The following GRM7 variants were observed in gnomAD, a reference collection of about 807,000 sequenced individuals.
GRM7 encodes the protein metabotropic glutamate receptor 7.
A neutral mutation model predicts 84.5 loss-of-function variants in GRM7; 35 were observed. That is an observed-to-expected ratio of 0.41 (90% CI 0.32 to 0.55). The LOEUF (loss-of-function observed/expected upper bound fraction) is 0.55, where lower values mean the gene tolerates loss of function less well. Ranked by LOEUF, GRM7 falls within the 20% of genes least tolerant of loss-of-function variation. The pLI is 0.19. For missense variants in GRM7, 1,003 were observed against 1,194.6 expected, an observed-to-expected ratio of 0.84 and a Z score of 2.36; for synonymous variants, 487 against 455.1, an observed-to-expected ratio of 1.07 and a Z score of -0.89.
chr3:7,205,701 G>A (rs562364198), intron 2 of GRM7, among the ~76,000 whole-genome samples: 11 of 152,298 alleles, frequency 7.2e-5, no homozygotes, highest in Admixed American at 2.6e-4. Flanking sequence ...GATTCACCAC[G>A]GGGAAGCAGG....
chr3:7,306,694 G>T (rs1244495203), intron 4 of GRM7, 42 bp downstream of exon 4: 1 of 1,512,398 alleles, frequency 6.6e-7, no homozygotes, highest in Non-Finnish European at 8.9e-7. Flanking sequence ...GAGAAGTTCT[G>T]GTGCCATGCT....
At position 6,904,904 on chromosome 3, in the gene GRM7, G is replaced by A. The variant is rs1413740185; in HGVS notation, c.519+42997G>A. Among the ~76,000 whole-genome samples, 4 of 152,030 alleles carry A rather than the reference G, an allele frequency of 2.6e-5. No individual in the cohort carries two copies. In the South Asian group the frequency reaches 8.3e-4, roughly 32 times the overall value. ...CTTGGATAATTTGTGTATTTTTTCT[G>A]TAGAGACTGGGTCTTGCTATGTTGC... is the stretch of plus-strand genomic sequence containing the variant. On this transcript the variant is annotated intron_variant, in intron 1 of 9. Coordinates refer to ENST00000357716, the MANE Select transcript of GRM7 (RefSeq NM_000844.4).
intron 1 of GRM7, among the ~76,000 whole-genome samples, chr3:6,923,870 G>C (rs1424328875): frequency 4.6e-5 from 7 of 152,136 alleles, no homozygotes; most frequent in African/African-American, 1.7e-4. Flanking sequence ...TTGAGTGAAG[G>C]ATGTGATTTC....
chr3:7,461,156 A>T (rs1698230365), intron 6 of GRM7, among the ~76,000 whole-genome samples: 1 of 152,188 alleles, frequency 6.6e-6, no homozygotes, highest in Non-Finnish European at 1.5e-5. Flanking sequence ...CTCTTTTAAC[A>T]TTAATTTGTT....
intron 1 of GRM7, among the ~76,000 whole-genome samples, chr3:6,921,678 A>T (rs368722771): frequency 1.8e-4 from 28 of 152,116 alleles, no homozygotes; most frequent in Admixed American, 1.2e-3. Context: ...TTATTGAGTA[A>T]TAGACCTCCG....
At chr3:7,471,351 C>T (rs761852308) in intron 7 of GRM7, among the ~76,000 whole-genome samples, 20 of 152,088 alleles carry the variant, frequency 1.3e-4, no homozygotes, top group Non-Finnish European at 2.5e-4. Flanking sequence ...CTTTGTTTCC[C>T]TTTTCTTAGG....
chr3:7,110,641 G>T (rs1169158473), intron 1 of GRM7, among the ~76,000 whole-genome samples: 2 of 145,910 alleles, frequency 1.4e-5, no homozygotes, highest in Non-Finnish European at 1.5e-5. Flanking sequence ...ATAATTTTTT[G>T]CTAGAGGTGC....
At chr3:7,009,984 ACT>A (rs1287175381) in intron 1 of GRM7, among the ~76,000 whole-genome samples, 1 of 152,198 alleles carries the variant, frequency 6.6e-6, no homozygotes, top group African/African-American at 2.4e-5. Flanking sequence ...TTTTCCCTAA[ACT>A]TGGCATTAAT....
chr3:7,533,594 T>C (rs370042482), intron 7 of GRM7, among the ~76,000 whole-genome samples: 47 of 152,250 alleles, frequency 3.1e-4, no homozygotes, highest in African/African-American at 1.0e-3. Flanking sequence ...TCCAATAAGC[T>C]GTGTAGCTTC....
In GRM7 at chr3:7,081,035, TAA is replaced by T. The variant is rs200505797; in HGVS notation, c.520-65416_520-65415del. On this transcript the variant is annotated intron_variant, in intron 1 of 9. Coordinates refer to ENST00000357716, the MANE Select transcript of GRM7 (RefSeq NM_000844.4). ...TACCTGTGTTTAAATAACGAAGATA[TAA>T]GTTACTTTGTGTAGCTTCTCCCCCC... is the stretch of plus-strand genomic sequence containing the variant. 2.5e-3 allele frequency among the ~76,000 whole-genome samples: 373 copies of T among 152,208 alleles called. 3 individuals are homozygous for T. Among genetic ancestry groups the T allele is most frequent in the East Asian group, 9.3e-3 (48 of 5,178 alleles).
intron 4 of GRM7, among the ~76,000 whole-genome samples, chr3:7,344,731 C>G (rs1472346079): frequency 6.6e-6 from 1 of 152,014 alleles, no homozygotes; most frequent in Non-Finnish European, 1.5e-5. Context: ...GTTGATTTCA[C>G]TGAAGGGAGT....
chr3:7,338,717 A>C (rs1435899026), intron 4 of GRM7, among the ~76,000 whole-genome samples: 1 of 151,952 alleles, frequency 6.6e-6, no homozygotes, highest in Non-Finnish European at 1.5e-5. Context: ...AAACTGGAAA[A>C]TTCTCTTCAT....
intron 2 of GRM7, among the ~76,000 whole-genome samples, chr3:7,215,191 AG>A (rs1696560443): frequency 6.6e-6 from 1 of 152,200 alleles, no homozygotes; most frequent in Non-Finnish European, 1.5e-5. Context: ...ATATGGGGCA[AG>A]ACCTAGTAAT....
At chr3:7,028,554 T>TA (rs1005923183) in intron 1 of GRM7, among the ~76,000 whole-genome samples, 9 of 152,118 alleles carry the variant, frequency 5.9e-5, no homozygotes, top group Non-Finnish European at 1.0e-4. Context: ...ACTACCATTT[T>TA]AAAAAAATAA....
chr3:7,267,250 C>T (rs996778917), intron 2 of GRM7, among the ~76,000 whole-genome samples: 8 of 152,100 alleles, frequency 5.3e-5, no homozygotes, highest in African/African-American at 1.9e-4. Flanking sequence ...TTGATTAGGC[C>T]CAACTCACTG....
chr3:7,580,137 G>A (rs971332304), intron 8 of GRM7, among the ~76,000 whole-genome samples: 5 of 152,168 alleles, frequency 3.3e-5, no homozygotes, highest in African/African-American at 2.4e-5. Flanking sequence ...ACAATTCTAC[G>A]GTGTTGATTC....
chr3:7,398,388 A>C (rs1329546517), intron 4 of GRM7, among the ~76,000 whole-genome samples: 1 of 152,156 alleles, frequency 6.6e-6, no homozygotes, highest in Admixed American at 6.6e-5. Context: ...TATCATCAAG[A>C]GGGGAACCAG....
At chr3:7,037,010 CATCT>C (rs541989783) in intron 1 of GRM7, among the ~76,000 whole-genome samples, 30 of 152,244 alleles carry the variant, frequency 2.0e-4, no homozygotes, top group Admixed American at 1.0e-3. Flanking sequence ...CTGATTTCTC[CATCT>C]GTGTCAAGAG....
At chr3:7,460,168 C>T (rs927658687) in intron 6 of GRM7, among the ~76,000 whole-genome samples, 31 of 134,942 alleles carry the variant, frequency 2.3e-4, no homozygotes, top group African/African-American at 7.7e-4. Flanking sequence ...ATGTTGAGAA[C>T]GTCCCCACAC....
Sources: allele counts gnomAD v4.1 joint callset (sites outside exome capture counted in the v4.1 genomes callset), GRCh38; gene constraint gnomAD v4.1.1; transcripts MANE v1.5; gene names NCBI Gene and HGNC (gene_info 2026-07-23, HGNC 2026-07-21).